The following CDK8 variants were observed in gnomAD, a reference collection of about 807,000 sequenced individuals.
The protein encoded by CDK8 is cyclin-dependent kinase 8.
CDK8 carries 29 observed loss-of-function variants against 71.5 expected under a neutral mutation model. The observed-to-expected ratio is 0.41, with a 90% CI of 0.30 to 0.55. The LOEUF is 0.55. CDK8 is among the 20% of genes least tolerant of loss of function. The pLI is 0.37. For synonymous variants in CDK8, 161 were observed against 192.1 expected (o/e 0.84, Z 1.34); for missense variants, 288 against 572.6 (o/e 0.50, Z 5.07).
rs925111856 is a variant in CDK8, at chr13:26,254,606, C to G, written c.-36C>G. 1 of 1,542,654 alleles carries G rather than the reference C, an allele frequency of 6.5e-7. No homozygotes were observed. Among genetic ancestry groups the G allele is most frequent in the Admixed American group, 1.9e-5 (1 of 51,576 alleles). ...CGGTCCCCACCCCTGCCCCCCGGCC[C>G]CCCGACCCAGCTCTCCGGCCTCAGA... On this transcript the variant is annotated 5_prime_UTR_variant, in exon 1 of 13. Transcript: ENST00000381527. This position sits in a 1 kb window ranked among gnomAD's most constrained non-coding sequence, Gnocchi z 6.7.
chr13:26,358,895 C>A, intron 4 of CDK8: 1 of 177,650 alleles, frequency 5.6e-6, no homozygotes, highest in Non-Finnish European at 1.2e-5. Context: ...GGTGTGGTAG[C>A]ATGCACCTGT....
chr13:26,390,981 T>A (rs17083985), intron 6 of CDK8, among the ~76,000 whole-genome samples: 8,503 of 150,402 alleles, frequency 0.057, 395 homozygotes, highest in African/African-American at 0.11. Flanking sequence ...AAAGAGACTT[T>A]CCATGAATTG....
At chr13:26,378,574 G>A (rs1875066172) in intron 4 of CDK8, among the ~76,000 whole-genome samples, 1 of 152,128 alleles carries the variant, frequency 6.6e-6, no homozygotes, top group African/African-American at 2.4e-5. Flanking sequence ...TCTGTGCATG[G>A]CTTTGCTATA....
intron 4 of CDK8, among the ~76,000 whole-genome samples, chr13:26,356,768 T>A (rs1008047531): frequency 1.3e-5 from 2 of 152,228 alleles, no homozygotes; most frequent in Non-Finnish European, 2.9e-5. Context: ...ATAACTTTTT[T>A]AACATTTTTT....
At chr13:26,284,658 G>T (rs1872914386) in intron 1 of CDK8, among the ~76,000 whole-genome samples, 1 of 152,050 alleles carries the variant, frequency 6.6e-6, no homozygotes, top group African/African-American at 2.4e-5. Flanking sequence ...TTCCAGGACT[G>T]GATGGATTCA....
At chr13:26,304,929 A>G (rs1368183522) in intron 1 of CDK8, among the ~76,000 whole-genome samples, 1 of 152,094 alleles carries the variant, frequency 6.6e-6, no homozygotes, top group Non-Finnish European at 1.5e-5. Flanking sequence ...CAGCCTCCCA[A>G]ACTGCTAGGA....
intron 1 of CDK8, among the ~76,000 whole-genome samples, chr13:26,332,602 T>TC (rs1872803587): frequency 6.6e-6 from 1 of 152,146 alleles, no homozygotes; most frequent in South Asian, 2.1e-4. Flanking sequence ...ACCTAGGACT[T>TC]CCAGTGCTAT....
intron 4 of CDK8, among the ~76,000 whole-genome samples, chr13:26,356,638 C>G (rs939045197): frequency 6.6e-6 from 1 of 152,090 alleles, no homozygotes; most frequent in African/African-American, 2.4e-5. Context: ...ACCTTCCTGC[C>G]AACTGAAAAA....
intron 1 of CDK8, among the ~76,000 whole-genome samples, chr13:26,283,585 G>A (rs569611242): frequency 1.4e-5 from 2 of 147,048 alleles, no homozygotes; most frequent in South Asian, 2.2e-4. Flanking sequence ...CCCAGCCTGG[G>A]CAACAGAATG....
Position 26,271,806 on chromosome 13 carries a change from C to CTTT in CDK8, c.128+17071_128+17073dup, listed in dbSNP as rs58160694. Among the ~76,000 whole-genome samples the CTTT allele has an allele frequency of 2.5e-3, 154 of 62,656 alleles. 33 individuals carry two copies. The highest frequency in any genetic ancestry group is 0.018 in the Middle Eastern group (2 of 114). The allele number at this position is 62,656 out of a possible 152,430, so 41.1% of individuals were successfully genotyped here. On this transcript the variant is annotated intron_variant, in intron 1 of 12. Transcript: ENST00000381527. ...CCTGGGGGACAGAGTGAGACCCTGTCTTTTTTTTTTTTTTTTTTTTTTTTT... is the reference window on the plus strand; with the variant it reads ...CCTGGGGGACAGAGTGAGACCCTGTCTTTTTTTTTTTTTTTTTTTTTTTTTTTT...
chr13:26,309,298 C>T (rs920510445), intron 1 of CDK8, among the ~76,000 whole-genome samples: 1 of 151,988 alleles, frequency 6.6e-6, no homozygotes, highest in Non-Finnish European at 1.5e-5. Context: ...TGCCACCATG[C>T]CCAGCTAATT....
At chr13:26,256,627 C>T (rs1871536843) in intron 1 of CDK8, among the ~76,000 whole-genome samples, 1 of 152,078 alleles carries the variant, frequency 6.6e-6, no homozygotes, top group South Asian at 2.1e-4. Flanking sequence ...CATTTTATAT[C>T]TCTATGGTCA....
chr13:26,318,270 C>T (rs1874605136), intron 1 of CDK8, among the ~76,000 whole-genome samples: 1 of 151,738 alleles, frequency 6.6e-6, no homozygotes, highest in South Asian at 2.1e-4. Flanking sequence ...AGACATACAA[C>T]TAAGGAGATT....
intron 1 of CDK8, among the ~76,000 whole-genome samples, chr13:26,334,496 A>G (rs953094746): frequency 1.3e-5 from 2 of 152,202 alleles, no homozygotes; most frequent in African/African-American, 4.8e-5. Flanking sequence ...GACAGTGAAT[A>G]TTAAGTACAG....
intron 1 of CDK8, among the ~76,000 whole-genome samples, chr13:26,279,132 G>A (rs183621697): frequency 6.6e-6 from 1 of 150,792 alleles, no homozygotes. Flanking sequence ...AATCCATCTC[G>A]ATAGTAAAAA....
intron 1 of CDK8, among the ~76,000 whole-genome samples, chr13:26,305,720 G>A (rs551086532): frequency 2.6e-5 from 4 of 152,048 alleles, no homozygotes; most frequent in South Asian, 4.1e-4. Flanking sequence ...CTGCTGTACA[G>A]CATTTGCTTT....
chr13:26,376,752 G>T (rs903217389), intron 4 of CDK8, among the ~76,000 whole-genome samples: 3 of 151,950 alleles, frequency 2.0e-5, no homozygotes, highest in African/African-American at 4.8e-5. Flanking sequence ...GGCAGCTTAA[G>T]AATTTTGTAA....
chr13:26,333,609 A>G (rs1238474179), intron 1 of CDK8, among the ~76,000 whole-genome samples: 1 of 152,196 alleles, frequency 6.6e-6, no homozygotes, highest in African/African-American at 2.4e-5. Context: ...CATTGTACAC[A>G]AACTTTGTTT....
rs781580601 is a variant in CDK8, at chr13:26,393,520, A to G, written c.790+10A>G. ...ATGGGATTTCCTGCAGGTACACATT[A>G]TTCGTTTTTGTTTTTGTTTTTAAAT... On this transcript the variant is annotated intron_variant, in intron 7 of 12. Transcript: ENST00000381527. 96 of 1,611,668 alleles carry G rather than the reference A, an allele frequency of 6.0e-5. No individual in the cohort carries two copies. The Middle Eastern group carries it at 1.3e-3, about 22-fold the overall frequency.
Sources: allele counts gnomAD v4.1 joint callset (sites outside exome capture counted in the v4.1 genomes callset), GRCh38; gene constraint gnomAD v4.1.1; non-coding constraint Gnocchi (gnomAD v3.1); transcripts MANE v1.5; gene names NCBI Gene and HGNC (gene_info 2026-07-23, HGNC 2026-07-21).